Variants in RBP5 observed in about 807,000 individuals in gnomAD.
The protein encoded by RBP5 is retinol-binding protein 5.
RBP5 carries 12 observed loss-of-function variants against 17.8 expected under a neutral mutation model. The ratio of observed to expected loss-of-function variants is 0.67; its 90% confidence interval spans 0.43 to 1.09. The LOEUF (loss-of-function observed/expected upper bound fraction) is 1.09. Among genes scored for constraint, RBP5 ranks in the 50% least tolerant of loss-of-function variants. The pLI is 0.00. For missense variants in RBP5, 172 were observed against 169.4 expected (o/e 1.02, Z -0.09); for synonymous variants, 64 against 68.1 (o/e 0.94, Z 0.30).
rs1939116572 is a variant in RBP5, at chr12:7,123,900, C to T, written c.*221G>A. ...TTCATTTGGGACGCCAGACCTTGAC[C>T]TGGAAGTGAGGTCACTATTGGGCAG... is the stretch of plus-strand genomic sequence containing the variant. On this transcript the variant is annotated 3_prime_UTR_variant, in exon 4 of 4. Transcript: ENST00000266560. 3 of 517,212 alleles carry T rather than the reference C, an allele frequency of 5.8e-6. No homozygotes were observed. The highest frequency in any genetic ancestry group is 6.4e-5 in the Admixed American group (2 of 31,420). The allele number at this position is 517,212 out of a possible 1,614,324, so 32.0% of individuals were successfully genotyped here.
At chr12:7,126,056 A>AC (rs1397713802) in intron 2 of RBP5, among the ~76,000 whole-genome samples, 2 of 124,880 alleles carry the variant, frequency 1.6e-5, no homozygotes, top group Non-Finnish European at 3.2e-5. Context: ...ACACAGTGAG[A>AC]CCCCACCTCT....
In RBP5 at chr12:7,128,500, T is replaced by C; in HGVS notation, c.74-82A>G. 7.0e-7 allele frequency: 1 copy of C among 1,437,828 alleles called. No homozygotes were observed. The allele number at this position is 1,437,828 out of a possible 1,614,324, so 89.1% of individuals were successfully genotyped here. On this transcript the variant is annotated intron_variant, in intron 1 of 3. Transcript: ENST00000266560. This position sits in a 1 kb window ranked among gnomAD's most constrained non-coding sequence, Gnocchi z 5.3. ...TGCAGCAGCCCCTCAGGGCTGTGAG[T>C]TTCCCTTCTTTGGGTCTGGGACTGT...
chr12:7,118,754 G>A (rs1319401509), downstream of RBP5: 3 of 152,314 alleles, frequency 2.0e-5, no homozygotes, highest in African/African-American at 7.2e-5. Context: ...GGGGAAGCTG[G>A]AGCTCTGCTG....
upstream of RBP5, chr12:7,129,898 C>A: frequency 1.3e-6 from 1 of 791,048 alleles, no homozygotes; most frequent in Non-Finnish European, 1.5e-6. The surrounding 1 kb of genome is among the most constrained non-coding windows in gnomAD (Gnocchi z 5.5). Context: ...GCCCTGCGGA[C>A]CGCCCTGTGG....
At chr12:7,122,556 A>C (rs3813735), downstream of RBP5, 3 of 152,174 alleles carry the variant, frequency 2.0e-5, no homozygotes, top group Non-Finnish European at 4.4e-5. Flanking sequence ...TTCCTGAGTC[A>C]AGGCCTCTGC....
chr12:7,121,666 G>T (rs1267377967), downstream of RBP5: 1 of 154,088 alleles, frequency 6.5e-6, no homozygotes, highest in Non-Finnish European at 1.5e-5. Flanking sequence ...CTTTTGCTCA[G>T]TTTATTTTGG....
chr12:7,118,628 G>A (rs1939036309), intron 3 of RBP5: 1 of 152,258 alleles, frequency 6.6e-6, no homozygotes, highest in Non-Finnish European at 1.5e-5. Context: ...ACAGAATCGT[G>A]TGGGATATGC....
At chr12:7,122,215 C>G (rs1197249457), downstream of RBP5, 1 of 152,094 alleles carries the variant, frequency 6.6e-6, no homozygotes, top group Non-Finnish European at 1.5e-5. Flanking sequence ...GCAGCTCCAG[C>G]TTCCCACAGC....
rs117625451 is a variant in RBP5, at chr12:7,128,826, G to A, written c.-51C>T. The A allele has an allele frequency of 1.8e-4, 256 of 1,445,178 alleles. 2 individuals carry two copies. In the East Asian group the frequency reaches 3.2e-3, roughly 18 times the overall value. 89.5% of individuals were successfully genotyped at this position (1,445,178 alleles called of 1,614,324 possible). A position where few individuals can be genotyped will look rare whatever the true frequency, so the allele number is the denominator to read the frequency against. ...TGCAGGAGACAGGGTGAGGAAGGAG[G>A]GGGTGTTGTCTGGCAGGTGAGGCTG... On this transcript the variant is annotated 5_prime_UTR_variant, in exon 1 of 4. Transcript: ENST00000266560. The surrounding 1 kb of genome is among the most constrained non-coding windows in gnomAD (Gnocchi z 5.3).
At chr12:7,127,633 CTG>C (rs1425955888) in intron 2 of RBP5, 2 of 700,814 alleles carry the variant, frequency 2.9e-6, no homozygotes, top group Non-Finnish European at 5.2e-6. Context: ...GGAGGGCCAA[CTG>C]TATTTTGTAG....
intron 2 of RBP5, among the ~76,000 whole-genome samples, chr12:7,126,666 A>AG (rs1287447009): frequency 1.3e-5 from 2 of 152,106 alleles, no homozygotes; most frequent in African/African-American, 4.8e-5. Flanking sequence ...AAAGTGGGGT[A>AG]GGTTTGGATA....
In RBP5 at chr12:7,128,201, T is replaced by C; in HGVS notation, c.252+39A>G. On this transcript the variant is annotated intron_variant, in intron 2 of 3. Coordinates refer to ENST00000266560, the MANE Select transcript of RBP5 (RefSeq NM_031491.4). This position sits in a 1 kb window ranked among gnomAD's most constrained non-coding sequence, Gnocchi z 5.3. ...CCATGTTGTTAGGAGTCTCCTGTGATGCCTCCTTCCGGCCACCGCCCAGCC... is the reference window on the plus strand; with the variant it reads ...CCATGTTGTTAGGAGTCTCCTGTGACGCCTCCTTCCGGCCACCGCCCAGCC... 1 of 1,570,458 alleles carries C rather than the reference T, an allele frequency of 6.4e-7. No individual in the cohort carries two copies. The highest frequency in any genetic ancestry group is 8.7e-7 in the Non-Finnish European group (1 of 1,153,364).
At chr12:7,128,971 G>A (rs1027371148), upstream of RBP5, 12 of 576,450 alleles carry the variant, frequency 2.1e-5, no homozygotes, top group Admixed American at 5.1e-5. This position sits in a 1 kb window ranked among gnomAD's most constrained non-coding sequence, Gnocchi z 5.3. Flanking sequence ...TTCCCTCCCC[G>A]CATGGTGAGT....
upstream of RBP5, chr12:7,129,230 G>A (rs1186889925): frequency 4.3e-6 from 1 of 230,390 alleles, no homozygotes. This position sits in a 1 kb window ranked among gnomAD's most constrained non-coding sequence, Gnocchi z 5.5. Context: ...AGACACCTGA[G>A]GCTGGTCTGG....
downstream of RBP5, chr12:7,123,545 T>A (rs1227142494): frequency 6.6e-6 from 1 of 152,606 alleles, no homozygotes; most frequent in Non-Finnish European, 1.5e-5. Flanking sequence ...GATGGAAGTA[T>A]CAAATGGCCA....
At chr12:7,120,621 G>A (rs138860772), downstream of RBP5, 444 of 155,446 alleles carry the variant, frequency 2.9e-3, 1 homozygote, top group Non-Finnish European at 4.9e-3. Context: ...CCCAGGATGT[G>A]CAGGGTGAGT....
chr12:7,127,241 G>A (rs1352608559), intron 2 of RBP5, among the ~76,000 whole-genome samples: 5 of 152,192 alleles, frequency 3.3e-5, no homozygotes, highest in Admixed American at 1.3e-4. Context: ...TGATCCGCCC[G>A]CCTTGGCCTC....
downstream of RBP5, chr12:7,121,136 GA>G (rs1319631254): frequency 6.6e-6 from 1 of 152,168 alleles, no homozygotes; most frequent in Non-Finnish European, 1.5e-5. Flanking sequence ...GGAGCCGCTG[GA>G]GGGGTGGGGA....
chr12:7,126,988 ATTT>A (rs35155124), intron 2 of RBP5, among the ~76,000 whole-genome samples: 2 of 86,506 alleles, frequency 2.3e-5, no homozygotes, highest in Non-Finnish European at 4.4e-5. Flanking sequence ...GTACTTTTGT[ATTT>A]TTTTTTTTTT....
Sources: gnomAD v4.1 joint callset for allele counts (sites outside exome capture counted in the v4.1 genomes callset) on GRCh38, gnomAD v4.1.1 for gene constraint, Gnocchi (gnomAD v3.1) non-coding constraint, MANE v1.5 for transcripts, NCBI Gene and HGNC (gene_info 2026-07-23, HGNC 2026-07-21) for gene names.